Variants in DNAJC7 observed in about 807,000 individuals in gnomAD.
DNAJC7 encodes DnaJ heat shock protein family (Hsp40) member C7.
A neutral mutation model predicts 67.4 loss-of-function variants in DNAJC7; 18 were observed. The observed-to-expected ratio is 0.27, with a 90% CI of 0.18 to 0.40. The LOEUF (loss-of-function observed/expected upper bound fraction) is 0.40. Ranked by LOEUF, DNAJC7 falls within the 10% of genes least tolerant of loss-of-function variation. The pLI, the probability that DNAJC7 is intolerant of heterozygous loss-of-function variation, is 1.00. For synonymous variants in DNAJC7, 220 were observed against 207.8 expected (o/e 1.06, Z -0.50); for missense variants, 419 against 613.8 (o/e 0.68, Z 3.35).
intron 1 of DNAJC7, among the ~76,000 whole-genome samples, chr17:42,004,477 C>T (rs1466791636): frequency 1.3e-5 from 2 of 152,190 alleles, no homozygotes; most frequent in African/African-American, 2.4e-5. Flanking sequence ...AGCAGAATAG[C>T]TTCACAGCTC....
In DNAJC7 at chr17:41,976,731, C is replaced by T. The variant is rs375855857; in HGVS notation, c.*2G>A. 3.1e-6 allele frequency: 5 copies of T among 1,610,318 alleles called. No individual in the cohort carries two copies. In the African/African-American group the frequency reaches 5.4e-5, roughly 17 times the overall value. On this transcript the variant is annotated 3_prime_UTR_variant, in exon 14 of 14. Coordinates refer to ENST00000457167, the MANE Select transcript of DNAJC7 (RefSeq NM_003315.4). Reference sequence around the variant, plus strand: ...TTCTGGGTTCTGGGTGGTTGCCCTTCATTAGCCAAATTGAAAAAAGAAATT... The same window carrying T: ...TTCTGGGTTCTGGGTGGTTGCCCTTTATTAGCCAAATTGAAAAAAGAAATT...
intron 2 of DNAJC7, among the ~76,000 whole-genome samples, chr17:42,000,261 G>A (rs537444718): frequency 6.6e-6 from 1 of 151,002 alleles, no homozygotes; most frequent in African/African-American, 2.4e-5. Context: ...TGGGATTACA[G>A]GTGCCCGCCA....
At chr17:42,008,107 G>A (rs932092405) in intron 1 of DNAJC7, among the ~76,000 whole-genome samples, 17 of 151,732 alleles carry the variant, frequency 1.1e-4, no homozygotes, top group Non-Finnish European at 1.9e-4. Context: ...GAGGTCAGAA[G>A]TTCAAGACCA....
intron 9 of DNAJC7, chr17:41,985,408 G>A (rs1484736558): frequency 6.8e-5 from 10 of 146,752 alleles, no homozygotes; most frequent in Non-Finnish European, 1.3e-4. Flanking sequence ...TGACAGAGCT[G>A]GATCCTGAAT....
At chr17:42,017,044 C>T (rs1555652023) in intron 1 of DNAJC7, 12 of 1,352,462 alleles carry the variant, frequency 8.9e-6, no homozygotes, top group Non-Finnish European at 9.5e-6. Flanking sequence ...CCCCACCTCG[C>T]ACCAGACCTC....
At chr17:41,986,222 T>C (rs1210499144) in intron 9 of DNAJC7, among the ~76,000 whole-genome samples, 3 of 151,918 alleles carry the variant, frequency 2.0e-5, no homozygotes, top group Non-Finnish European at 2.9e-5. Context: ...AAAAATTTGC[T>C]GGGTGTGGTG....
intron 1 of DNAJC7, chr17:42,017,042 C>G: frequency 7.5e-7 from 1 of 1,341,786 alleles, no homozygotes; most frequent in Non-Finnish European, 9.6e-7. Flanking sequence ...TCCCCCACCT[C>G]GCACCAGACC....
rs778145821 is a variant in DNAJC7, at chr17:42,017,233, G to A, written c.77+107C>T. ...TCTCAGATGGGGGGGTGTTTGCGGA[G>A]GGCGGGGCATCGCCTCAACAGCTGG... On this transcript the variant is annotated intron_variant, in intron 1 of 13. Transcript: ENST00000457167. 6 of 1,599,602 alleles carry A rather than the reference G, an allele frequency of 3.8e-6. No homozygotes were observed. In the Admixed American group the frequency reaches 5.0e-5, roughly 13 times the overall value.
chr17:41,976,839 T>C, intron 13 of DNAJC7, 69 bp from the exon 14 acceptor site: 4 of 1,572,146 alleles, frequency 2.5e-6, no homozygotes, highest in South Asian at 1.2e-5. Context: ...GCTCTGATTA[T>C]GGAAAAGTCT....
chr17:41,980,513 G>A (rs1368300152), intron 12 of DNAJC7, among the ~76,000 whole-genome samples: 1 of 152,192 alleles, frequency 6.6e-6, no homozygotes, highest in African/African-American at 2.4e-5. Context: ...AGTCTCCTGA[G>A]TAGCTTGGAC....
chr17:41,998,346 C>A lies in DNAJC7; in HGVS notation c.167-1107G>T, dbSNP rs1485370137. ...AATTAGCCAAGCATGGTGGCACACA[C>A]CTGCAATCCCAGCTACTCAGGTGGC... On this transcript the variant is annotated intron_variant, in intron 2 of 13. Coordinates refer to ENST00000457167, the MANE Select transcript of DNAJC7 (RefSeq NM_003315.4). 2.0e-5 allele frequency among the ~76,000 whole-genome samples: 3 copies of A among 152,164 alleles called. No individual in the cohort carries two copies. In the East Asian group the frequency reaches 5.8e-4, roughly 29 times the overall value.
chr17:41,996,305 C>T lies in DNAJC7; in HGVS notation c.405+6G>A. The T allele has an allele frequency of 6.2e-7, 1 of 1,612,950 alleles. No homozygotes were observed. Among genetic ancestry groups the T allele is most frequent in the Non-Finnish European group, 8.5e-7 (1 of 1,179,454 alleles). ...TCTTTTGACAGAAACAGGATCAGAC[C>T]CGTACCTCTTGTTGTGCCTGAGCAT... is the stretch of plus-strand genomic sequence containing the variant. On this transcript the variant is annotated splice_donor_region_variant and intron_variant, in intron 4 of 13. Coordinates refer to ENST00000457167, the MANE Select transcript of DNAJC7 (RefSeq NM_003315.4).
At chr17:42,010,352 C>A (rs561049143) in intron 1 of DNAJC7, among the ~76,000 whole-genome samples, 2 of 150,966 alleles carry the variant, frequency 1.3e-5, no homozygotes, top group Non-Finnish European at 2.9e-5. Context: ...ATTAGCCGGG[C>A]GTGGTGGCGC....
In DNAJC7 at chr17:41,976,598, C is replaced by A. The variant is rs1555644854; in HGVS notation, c.*135G>T. ...TTGCTCCACCCCACTCACAGAGACA[C>A]AGGGCATCCAACTGAGAAAACGAAA... On this transcript the variant is annotated 3_prime_UTR_variant, in exon 14 of 14. Transcript: ENST00000457167. 3 of 1,142,456 alleles carry A rather than the reference C, an allele frequency of 2.6e-6. No individual in the cohort carries two copies. Among genetic ancestry groups the A allele is most frequent in the African/African-American group, 1.6e-5 (1 of 62,756 alleles). The allele number at this position is 1,142,456 out of a possible 1,614,324, so 70.8% of individuals were successfully genotyped here.
intron 1 of DNAJC7, chr17:42,001,215 T>G (rs1324762072): frequency 1.3e-5 from 2 of 152,334 alleles, no homozygotes; most frequent in African/African-American, 4.8e-5. Context: ...AGTGCCATAC[T>G]ATAAGGAGCA....
chr17:42,015,213 CA>C (rs2052233454), intron 1 of DNAJC7: 1 of 152,046 alleles, frequency 6.6e-6, no homozygotes. Flanking sequence ...CTCCCGACCT[CA>C]GCTGACCCAC....
chr17:42,017,215 TG>T (rs1210883513), intron 1 of DNAJC7, 124 bp downstream of exon 1: 5 of 1,591,506 alleles, frequency 3.1e-6, no homozygotes, highest in South Asian at 1.1e-5. Flanking sequence ...TGATCTCAGA[TG>T]GGGGGGTGTT....
chr17:42,011,896 G>A (rs1230319098), intron 1 of DNAJC7: 4 of 152,164 alleles, frequency 2.6e-5, no homozygotes, highest in African/African-American at 9.7e-5. Context: ...AGCAACTACA[G>A]GAAACCCGGG....
intron 12 of DNAJC7, among the ~76,000 whole-genome samples, chr17:41,980,052 CTTTT>C (rs111374192): frequency 7.3e-6 from 1 of 136,700 alleles, no homozygotes. Flanking sequence ...GTCAGGTCCT[CTTTT>C]TTTTTTTTTT....
Sources: allele counts gnomAD v4.1 joint callset (sites outside exome capture counted in the v4.1 genomes callset), GRCh38; gene constraint gnomAD v4.1.1; transcripts MANE v1.5; gene names NCBI Gene and HGNC (gene_info 2026-07-23, HGNC 2026-07-21).